Variants in FSTL1 observed in about 807,000 individuals in gnomAD.
The protein encoded by FSTL1 is follistatin-related protein 1.
FSTL1 carries 24 observed loss-of-function variants against 45.9 expected under a neutral mutation model. The observed-to-expected ratio is 0.52, with a 90% CI of 0.38 to 0.74. The LOEUF (loss-of-function observed/expected upper bound fraction) is 0.74, where lower values mean the gene tolerates loss of function less well. FSTL1 is among the 30% of genes least tolerant of loss of function. The pLI, the probability that FSTL1 is intolerant of heterozygous loss-of-function variation, is 0.00. For synonymous variants in FSTL1, 120 were observed against 137.6 expected (o/e 0.87, Z 0.89); for missense variants, 340 against 381.8 (o/e 0.89, Z 0.91).
chr3:120,450,838 C>T, intron 1 of FSTL1, 59 bp downstream of exon 1: 1 of 868,302 alleles, frequency 1.2e-6, no homozygotes, highest in Non-Finnish European at 1.7e-6. Flanking sequence ...GCTCCGGCCG[C>T]CCAAGCACCC....
At chr3:120,435,866 C>T (rs934815576) in intron 2 of FSTL1, among the ~76,000 whole-genome samples, 8 of 152,322 alleles carry the variant, frequency 5.3e-5, no homozygotes, top group African/African-American at 1.9e-4. Flanking sequence ...CCAGCTTGCT[C>T]TCTAATCCAC....
rs1937521860 is a variant in FSTL1, at chr3:120,434,615, A to G, written c.63+16069T>C. 1.3e-5 allele frequency among the ~76,000 whole-genome samples: 2 copies of G among 152,198 alleles called. 1 individual carries two copies. The highest frequency in any genetic ancestry group is 1.3e-4 in the Admixed American group (2 of 15,284). ...CTTCCTTCTAGAGTCATAAACGCAC[A>G]CGAACTTTGTAAAACTCTGGAACAT... On this transcript the variant is annotated intron_variant, in intron 2 of 10. Coordinates refer to ENST00000295633, the MANE Select transcript of FSTL1 (RefSeq NM_007085.5).
At chr3:120,445,639 T>C (rs1389512948) in intron 2 of FSTL1, among the ~76,000 whole-genome samples, 1 of 149,206 alleles carries the variant, frequency 6.7e-6, no homozygotes, top group East Asian at 1.9e-4. Flanking sequence ...TTTGCTACCA[T>C]AAAAGGATCT....
At chr3:120,420,245 G>C (rs969842770) in intron 2 of FSTL1, among the ~76,000 whole-genome samples, 29 of 152,218 alleles carry the variant, frequency 1.9e-4, no homozygotes, top group African/African-American at 6.8e-4. Flanking sequence ...TGTATGCGTA[G>C]ATAACCACAT....
At chr3:120,427,829 G>A (rs1203829156) in intron 2 of FSTL1, among the ~76,000 whole-genome samples, 1 of 152,188 alleles carries the variant, frequency 6.6e-6, no homozygotes, top group Non-Finnish European at 1.5e-5. Context: ...GGAAGATAAG[G>A]TAATGTGGGA....
intron 8 of FSTL1, 127 bp from the exon 9 acceptor site, chr3:120,403,045 C>T (rs1340414211): frequency 1.3e-6 from 1 of 744,922 alleles, no homozygotes; most frequent in Non-Finnish European, 2.4e-6. Flanking sequence ...AGCACTATAT[C>T]TGAGCAAACA....
chr3:120,424,754 G>A (rs974030389), intron 2 of FSTL1, among the ~76,000 whole-genome samples: 1 of 152,162 alleles, frequency 6.6e-6, no homozygotes, highest in Non-Finnish European at 1.5e-5. Flanking sequence ...CTGGGGGGCT[G>A]CCAGATCTTT....
chr3:120,402,486 AATT>A (rs1936845412), intron 9 of FSTL1, among the ~76,000 whole-genome samples: 1 of 151,608 alleles, frequency 6.6e-6, no homozygotes, highest in Non-Finnish European at 1.5e-5. Context: ...TACTATTTTT[AATT>A]ATTATTCCAT....
chr3:120,450,483 G>T (rs1236873872), intron 2 of FSTL1, among the ~76,000 whole-genome samples: 2 of 152,036 alleles, frequency 1.3e-5, no homozygotes, highest in East Asian at 3.9e-4. Context: ...TCCCGCTTAC[G>T]GCCCGAACTA....
chr3:120,440,956 C>T (rs1455082946), intron 2 of FSTL1, among the ~76,000 whole-genome samples: 3 of 152,210 alleles, frequency 2.0e-5, no homozygotes, highest in East Asian at 1.9e-4. Context: ...AGGCTGGCAT[C>T]GGCCTGGCTG....
rs1302653444 is a variant in FSTL1, at chr3:120,412,835, C to CGT, written c.169-853_169-852insAC. Among the ~76,000 whole-genome samples the CGT allele has an allele frequency of 3.9e-5, 3 of 76,178 alleles. No individual in the cohort carries two copies. In the East Asian group the frequency reaches 9.5e-4, roughly 24 times the overall value. The allele number at this position is 76,178 out of a possible 152,430, so 50.0% of individuals were successfully genotyped here. ...ACACACATGTGCGCGCGCGCGCGCG[C>CGT]GCGCACACACACACACACACACACA... On this transcript the variant is annotated intron_variant, in intron 3 of 10. Coordinates refer to ENST00000295633, the MANE Select transcript of FSTL1 (RefSeq NM_007085.5).
At chr3:120,403,944 A>AAAAAAC (rs1936888197) in intron 7 of FSTL1, among the ~76,000 whole-genome samples, 1 of 112,628 alleles carries the variant, frequency 8.9e-6, no homozygotes, top group Non-Finnish European at 1.8e-5. Context: ...AAAAAAAAAA[A>AAAAAAC]CAAAAACAAA....
chr3:120,403,485 G>C (rs2030414), intron 7 of FSTL1, 131 bp from the exon 8 acceptor site: 260,780 of 609,096 alleles, frequency 0.43, 59,884 homozygotes, highest in Non-Finnish European at 0.48. Context: ...AACTAAAACA[G>C]CCTCTCTCTA....
At chr3:120,441,241 A>G (rs1471146946) in intron 2 of FSTL1, 1 of 152,230 alleles carries the variant, frequency 6.6e-6, no homozygotes, top group East Asian at 1.9e-4. Flanking sequence ...ACCACCCAAG[A>G]TATCTGTTTG....
intron 2 of FSTL1, among the ~76,000 whole-genome samples, chr3:120,442,297 G>T (rs558882900): frequency 6.6e-6 from 1 of 152,308 alleles, no homozygotes; most frequent in South Asian, 2.1e-4. Flanking sequence ...AGCTGGACAA[G>T]GCCAGAATTC....
chr3:120,444,500 C>T lies in FSTL1; in HGVS notation c.63+6184G>A, dbSNP rs1040581038. Among the ~76,000 whole-genome samples the T allele has an allele frequency of 1.4e-4, 21 of 149,528 alleles. 3 individuals carry two copies. The highest frequency in any genetic ancestry group is 5.4e-4 in the African/African-American group (21 of 38,930). On this transcript the variant is annotated intron_variant, in intron 2 of 10. Transcript: ENST00000295633. Reference sequence around the variant, plus strand: ...GTGCCATCTCTGAAAGGCCATTTACCACCCCACCTTTTTCTCCTTAAGCAA... The same window carrying T: ...GTGCCATCTCTGAAAGGCCATTTACTACCCCACCTTTTTCTCCTTAAGCAA...
At chr3:120,412,836 G>GCACACACACA (rs1489987751) in intron 3 of FSTL1, among the ~76,000 whole-genome samples, 7 of 72,824 alleles carry the variant, frequency 9.6e-5, no homozygotes, top group East Asian at 4.1e-4. Flanking sequence ...GCGCGCGCGC[G>GCACACACACA]CGCACACACA....
chr3:120,412,090 A>C, intron 3 of FSTL1, 107 bp from the exon 4 acceptor site: 1 of 1,027,082 alleles, frequency 9.7e-7, no homozygotes, highest in Non-Finnish European at 1.4e-6. Flanking sequence ...TTGTAAGGGG[A>C]CTCTCCACCA....
intron 3 of FSTL1, among the ~76,000 whole-genome samples, chr3:120,414,993 A>C (rs1937161000): frequency 6.6e-6 from 1 of 150,890 alleles, no homozygotes; most frequent in Non-Finnish European, 1.5e-5. Flanking sequence ...TCAATAAAAA[A>C]TAAATAAATT....
Sources: gnomAD v4.1 joint callset for allele counts (sites outside exome capture counted in the v4.1 genomes callset) on GRCh38, gnomAD v4.1.1 for gene constraint, MANE v1.5 for transcripts, NCBI Gene and HGNC (gene_info 2026-07-23, HGNC 2026-07-21) for gene names.